SERPINB5: variants seen among roughly 807,000 people sequenced by gnomAD.
The protein encoded by SERPINB5 is serpin family B member 5.
SERPINB5 carries 27 observed loss-of-function variants against 32.2 expected under a neutral mutation model. The observed-to-expected ratio is 0.84, with a 90% CI of 0.62 to 1.16. SERPINB5 has a LOEUF of 1.16. Among genes scored for constraint, SERPINB5 ranks in the 50% most tolerant of loss-of-function variants. The pLI, the probability that SERPINB5 is intolerant of heterozygous loss-of-function variation, is 0.00. For synonymous variants in SERPINB5, 154 were observed against 157.4 expected (o/e 0.98, Z 0.16); for missense variants, 388 against 436.3 (o/e 0.89, Z 0.99).
intron 3 of SERPINB5, 103 bp from the exon 4 acceptor site, chr18:63,489,244 T>A (rs753971490): frequency 5.0e-6 from 3 of 597,862 alleles, no homozygotes; most frequent in Non-Finnish European, 8.7e-6. Flanking sequence ...ATTTTGAAAG[T>A]GTACATATAG....
At chr18:63,496,738 A>G (rs2144506601) in intron 5 of SERPINB5, among the ~76,000 whole-genome samples, 1 of 152,336 alleles carries the variant, frequency 6.6e-6, no homozygotes, top group Non-Finnish European at 1.5e-5. Context: ...CAAATATCCC[A>G]TGGGAGGTAT....
chr18:63,484,942 T>C (rs1917185465), intron 2 of SERPINB5, among the ~76,000 whole-genome samples: 1 of 152,108 alleles, frequency 6.6e-6, no homozygotes, highest in East Asian at 1.9e-4. Flanking sequence ...GGTTTCACCA[T>C]GTGGCCAGGC....
At chr18:63,479,768 T>C (rs1455813757) in intron 1 of SERPINB5, among the ~76,000 whole-genome samples, 1 of 152,098 alleles carries the variant, frequency 6.6e-6, no homozygotes, top group African/African-American at 2.4e-5. Flanking sequence ...TAATACTTAC[T>C]AGATGAAAGC....
At chr18:63,489,494 A>G (rs764521267) in intron 4 of SERPINB5, 30 bp downstream of exon 4, 2 of 1,285,250 alleles carry the variant, frequency 1.6e-6, no homozygotes, top group Admixed American at 1.8e-5. Context: ...TCTGCTATCA[A>G]TCACCAAGTA....
At chr18:63,483,055 G>A (rs550822923) in intron 1 of SERPINB5, among the ~76,000 whole-genome samples, 1 of 152,070 alleles carries the variant, frequency 6.6e-6, no homozygotes, top group African/African-American at 2.4e-5. Context: ...TAACCTCATG[G>A]ACCTCCTGAA....
intron 1 of SERPINB5, among the ~76,000 whole-genome samples, chr18:63,480,442 G>GA (rs904772188): frequency 6.7e-6 from 1 of 148,626 alleles, no homozygotes; most frequent in Non-Finnish European, 1.5e-5. Context: ...GCAACAGAAT[G>GA]AAAAAAAATT....
intron 6 of SERPINB5, among the ~76,000 whole-genome samples, chr18:63,501,604 T>G (rs1432563948): frequency 6.6e-6 from 1 of 152,230 alleles, no homozygotes; most frequent in African/African-American, 2.4e-5. Flanking sequence ...TTCTAGATCC[T>G]TGAGGAACTG....
chr18:63,482,545 A>T (rs1284410623), intron 1 of SERPINB5, among the ~76,000 whole-genome samples: 1 of 152,182 alleles, frequency 6.6e-6, no homozygotes, highest in African/African-American at 2.4e-5. Flanking sequence ...TCAGGAGTTC[A>T]TGTAGTTCAG....
rs1909520966 is a variant in SERPINB5 at position 63,499,245 on chromosome 18, A to G, written c.693A>G (p.Leu231=). 1.3e-6 allele frequency: 2 copies of G among 1,598,444 alleles called. No individual in the cohort carries two copies. Among genetic ancestry groups the G allele is most frequent in the Middle Eastern group, 1.6e-4 (1 of 6,062 alleles). Residue 231 remains leucine (L), a synonymous_variant, in exon 6 of 7, where the codon CTA becomes CTG. Coordinates refer to ENST00000382771, the MANE Select transcript of SERPINB5 (RefSeq NM_002639.5). Reference sequence around the variant, plus strand: ...ATAAGCATCTCAGCATGTTCATCCTACTACCCAAGGATGTGGAGGATGAGT... The same window carrying G: ...ATAAGCATCTCAGCATGTTCATCCTGCTACCCAAGGATGTGGAGGATGAGT... ...FQNKHLSMFI[L]LPKDVEDEST...
rs532403230 is a variant in SERPINB5, at chr18:63,491,329, G to A, written c.425-1624G>A. Among the ~76,000 whole-genome samples the A allele has an allele frequency of 1.0e-4, 15 of 149,010 alleles. No individual in the cohort carries two copies. In the South Asian group the frequency reaches 3.2e-3, roughly 32 times the overall value. ...AGGCAGGATAATCGCTTGAACCTGGGAGGCGGAGGTTGCAATGAGCTGAGA... is the reference window on the plus strand; with the variant it reads ...AGGCAGGATAATCGCTTGAACCTGGAAGGCGGAGGTTGCAATGAGCTGAGA... On this transcript the variant is annotated intron_variant, in intron 4 of 6. Coordinates refer to ENST00000382771, the MANE Select transcript of SERPINB5 (RefSeq NM_002639.5).
chr18:63,503,893 T>C lies in SERPINB5; in HGVS notation c.*171T>C. ...TTCACACAGATAGACCTTTTTTTTT[T>C]TTCCAATTCTATCTTTTGTTTCCTT... On this transcript the variant is annotated 3_prime_UTR_variant, in exon 7 of 7. Transcript: ENST00000382771. The C allele has an allele frequency of 3.2e-6, 2 of 629,570 alleles. No homozygotes were observed. The highest frequency in any genetic ancestry group is 5.4e-6 in the Non-Finnish European group (2 of 369,086). 39.0% of individuals were successfully genotyped at this position (629,570 alleles called of 1,614,324 possible).
chr18:63,489,746 C>T (rs1307783452), intron 4 of SERPINB5, among the ~76,000 whole-genome samples: 2 of 152,152 alleles, frequency 1.3e-5, no homozygotes, highest in Non-Finnish European at 2.9e-5. Flanking sequence ...CCTAGCTGCG[C>T]CTCTAACAAA....
chr18:63,502,608 G>A lies in SERPINB5; in HGVS notation c.736-722G>A, dbSNP rs532429819. On this transcript the variant is annotated intron_variant, in intron 6 of 6. Coordinates refer to ENST00000382771, the MANE Select transcript of SERPINB5 (RefSeq NM_002639.5). ...GTACATGAATATTCTGGATTTCCTCGTAGAGAAATTACAATAAGCATTCAA... is the reference window on the plus strand; with the variant it reads ...GTACATGAATATTCTGGATTTCCTCATAGAGAAATTACAATAAGCATTCAA... 5.9e-5 allele frequency among the ~76,000 whole-genome samples: 9 copies of A among 151,490 alleles called. No individual in the cohort carries two copies. In the South Asian group the frequency reaches 6.2e-4, roughly 11 times the overall value.
chr18:63,497,518 C>T, intron 5 of SERPINB5: 1 of 403,740 alleles, frequency 2.5e-6, no homozygotes, highest in Non-Finnish European at 4.5e-6. Flanking sequence ...AAAAAAAGAG[C>T]CAAGCATACA....
chr18:63,487,649 A>G (rs369857551), intron 3 of SERPINB5, among the ~76,000 whole-genome samples: 30 of 152,346 alleles, frequency 2.0e-4, no homozygotes, highest in African/African-American at 3.4e-4. Context: ...CTCTGGTTAT[A>G]TAAGTTTAGC....
intron 2 of SERPINB5, chr18:63,485,661 C>T (rs1258700529): frequency 6.6e-6 from 1 of 152,276 alleles, no homozygotes; most frequent in African/African-American, 2.4e-5. Flanking sequence ...CGAAAGAGAA[C>T]TTCCGGGTAG....
At chr18:63,493,206 G>A (rs760459802) in intron 5 of SERPINB5, 111 bp downstream of exon 5, 14 of 1,420,216 alleles carry the variant, frequency 9.9e-6, no homozygotes, top group Middle Eastern at 1.7e-4. Flanking sequence ...GGGCACGGCC[G>A]GCAAAGTGCC....
At chr18:63,491,198 T>C (rs1488943284) in intron 4 of SERPINB5, among the ~76,000 whole-genome samples, 1 of 151,906 alleles carries the variant, frequency 6.6e-6, no homozygotes, top group East Asian at 2.0e-4. Context: ...GGTCAGGAGC[T>C]CAGGACCAGT....
intron 6 of SERPINB5, among the ~76,000 whole-genome samples, chr18:63,500,725 C>A (rs956137861): frequency 1.3e-5 from 2 of 152,118 alleles, no homozygotes; most frequent in African/African-American, 4.8e-5. Flanking sequence ...AGAAGGGGCT[C>A]TTTGAAGGCC....
Sources: allele counts gnomAD v4.1 joint callset (sites outside exome capture counted in the v4.1 genomes callset), GRCh38; gene constraint gnomAD v4.1.1; transcripts MANE v1.5; gene names NCBI Gene and HGNC (gene_info 2026-07-23, HGNC 2026-07-21).